SEL1L3: variants seen among roughly 807,000 people sequenced by gnomAD.
The protein encoded by SEL1L3 is protein sel-1 homolog 3.
Under a neutral mutation model 142.8 loss-of-function variants are expected in SEL1L3, and 76 were observed. The ratio of observed to expected loss-of-function variants is 0.53; its 90% CI spans 0.44 to 0.64. The LOEUF is 0.64. Among genes scored for constraint, SEL1L3 ranks in the 30% least tolerant of loss-of-function variants. The pLI is 0.00. For synonymous variants in SEL1L3, 504 were observed against 519.6 expected, an observed-to-expected ratio of 0.97 and a Z score of 0.41; for missense variants, 1,262 against 1,381.7, an observed-to-expected ratio of 0.91 and a Z score of 1.37.
chr4:25,771,439 A>C (rs1015071668), intron 17 of SEL1L3, among the ~76,000 whole-genome samples: 3 of 152,232 alleles, frequency 2.0e-5, no homozygotes, highest in African/African-American at 7.2e-5. Context: ...GATACATCTT[A>C]ATAATCAATC....
Position 25,849,864 on chromosome 4 carries a change from C to T in SEL1L3, c.163-2000G>A, listed in dbSNP as rs941996874. On this transcript the variant is annotated intron_variant, in intron 1 of 23. Transcript: ENST00000399878. ...ATAAATAATGGCAATACAGGCGAAA[C>T]GTGGTCAGTGTTCCCATCAAACTGT... Among the ~76,000 whole-genome samples, 12 of 152,220 alleles carry T rather than the reference C, an allele frequency of 7.9e-5. No homozygotes were observed. The South Asian group carries it at 1.0e-3, about 13-fold the overall frequency.
chr4:25,848,714 G>C (rs1560356495), intron 1 of SEL1L3, among the ~76,000 whole-genome samples: 1 of 152,236 alleles, frequency 6.6e-6, no homozygotes, highest in Admixed American at 6.5e-5. Context: ...TACACACAGA[G>C]AGAAAATAAC....
intron 17 of SEL1L3, among the ~76,000 whole-genome samples, chr4:25,768,270 C>T (rs1718898748): frequency 6.6e-6 from 1 of 152,138 alleles, no homozygotes; most frequent in South Asian, 2.1e-4. Flanking sequence ...TTTTGTTGTG[C>T]ATTAGAAGTT....
chr4:25,791,012 A>G (rs1459682290), intron 11 of SEL1L3, among the ~76,000 whole-genome samples: 1 of 152,238 alleles, frequency 6.6e-6, no homozygotes, highest in East Asian at 1.9e-4. Context: ...GTTTGTTCCT[A>G]TCAAAGTATT....
At chr4:25,749,413 A>C (rs564213407) in intron 23 of SEL1L3, among the ~76,000 whole-genome samples, 1 of 152,286 alleles carries the variant, frequency 6.6e-6, no homozygotes, top group East Asian at 1.9e-4. Context: ...AAGAATGCAT[A>C]ATTAGCATTG....
At chr4:25,780,917 C>T (rs534752360) in intron 15 of SEL1L3, among the ~76,000 whole-genome samples, 3 of 151,114 alleles carry the variant, frequency 2.0e-5, no homozygotes, top group Non-Finnish European at 2.9e-5. Context: ...CCTCTGCCTC[C>T]GGGGTTCCAG....
chr4:25,750,339 G>GC (rs1272202050), intron 23 of SEL1L3, among the ~76,000 whole-genome samples: 1 of 152,042 alleles, frequency 6.6e-6, no homozygotes, highest in African/African-American at 2.4e-5. Flanking sequence ...AGCCCCGAGG[G>GC]CCCAAAATAT....
intron 2 of SEL1L3, among the ~76,000 whole-genome samples, chr4:25,836,566 TGCTTGAA>T (rs1715833546): frequency 6.6e-6 from 1 of 152,102 alleles, no homozygotes; most frequent in South Asian, 2.1e-4. Context: ...GCGAGAGAAT[TGCTTGAA>T]GCTGGGAGGC....
the SEL1L3 span, among the ~76,000 whole-genome samples, chr4:25,739,165 T>C: frequency 2.0e-3 from 307 of 152,136 alleles, no homozygotes; most frequent in Non-Finnish European, 2.3e-3. Context: ...GCAGAGAATG[T>C]GCCACTGCAC....
At chr4:25,752,780 C>T (rs192630401) in intron 23 of SEL1L3, among the ~76,000 whole-genome samples, 1 of 152,278 alleles carries the variant, frequency 6.6e-6, no homozygotes, top group African/African-American at 2.4e-5. Context: ...ACCACCATGC[C>T]CCGCTAATTT....
chr4:25,715,127 T>A, the SEL1L3 span, among the ~76,000 whole-genome samples: 6 of 152,258 alleles, frequency 3.9e-5, no homozygotes, highest in Non-Finnish European at 8.8e-5. Flanking sequence ...AAAGTATACA[T>A]AAGTGGTCTT....
At chr4:25,810,786 A>C (rs927910574) in intron 9 of SEL1L3, among the ~76,000 whole-genome samples, 3 of 152,216 alleles carry the variant, frequency 2.0e-5, no homozygotes, top group African/African-American at 7.2e-5. Flanking sequence ...CCAAGCAAGA[A>C]AATCAGGATG....
At chr4:25,820,323 C>T (rs1714668025) in intron 7 of SEL1L3, among the ~76,000 whole-genome samples, 1 of 152,236 alleles carries the variant, frequency 6.6e-6, no homozygotes, top group Non-Finnish European at 1.5e-5. Flanking sequence ...GAGCCCTCCT[C>T]CCCTCTTCTG....
chr4:25,738,243 G>A, the SEL1L3 span, among the ~76,000 whole-genome samples: 10 of 152,142 alleles, frequency 6.6e-5, no homozygotes, highest in Middle Eastern at 3.4e-3. Flanking sequence ...CCAGAGATGC[G>A]GAACCCATGG....
At chr4:25,758,369 G>A (rs1457134884) in intron 21 of SEL1L3, among the ~76,000 whole-genome samples, 4 of 152,152 alleles carry the variant, frequency 2.6e-5, no homozygotes, top group African/African-American at 9.7e-5. Flanking sequence ...TACTTAGGAG[G>A]CTGAGGCATG....
chr4:25,807,284 A>G (rs1408794792), intron 9 of SEL1L3, among the ~76,000 whole-genome samples: 1 of 152,088 alleles, frequency 6.6e-6, no homozygotes, highest in Non-Finnish European at 1.5e-5. Flanking sequence ...ATCCTCGAAC[A>G]TTTCCACTTC....
chr4:25,769,569 C>A (rs1577576433), intron 17 of SEL1L3, among the ~76,000 whole-genome samples: 2 of 152,290 alleles, frequency 1.3e-5, no homozygotes, highest in Admixed American at 6.5e-5. Flanking sequence ...TCAGAGCAGA[C>A]CCAAGGCCCC....
At position 25,767,616 on chromosome 4, in the gene SEL1L3, G is replaced by A. The variant is rs775949366; in HGVS notation, c.2761-7C>T. The A allele has an allele frequency of 1.3e-6, 2 of 1,579,350 alleles. No homozygotes were observed. The highest frequency in any genetic ancestry group is 1.7e-6 in the Non-Finnish European group (2 of 1,155,072). On this transcript the variant is annotated splice_region_variant and splice_polypyrimidine_tract_variant and intron_variant, in intron 18 of 23. Coordinates refer to ENST00000399878, the MANE Select transcript of SEL1L3 (RefSeq NM_015187.5). ...AGTATCTCCTGGCCAGGTCCTAAGG[G>A]GTAAAGGGAAGAAAAAGTTAATTCA... is the stretch of plus-strand genomic sequence containing the variant.
chr4:25,757,790 C>A lies in SEL1L3; in HGVS notation c.3084G>T (p.Arg1028Ser). The change falls in exon 22 of 24, where the codon AGG (arginine) becomes AGT (serine). Residue 1028 changes from arginine (R) to serine (S), a missense_variant and splice_region_variant. This residue lies in a region of SEL1L3 where 138 missense variants were observed against 129.7 expected (regional missense o/e 1.06). Coordinates refer to ENST00000399878, the MANE Select transcript of SEL1L3 (RefSeq NM_015187.5). The part of the protein sequence containing the change: ...NISILQELYE[R>S]CWSHSNEESF... Reference sequence around the variant, plus strand: ...ACTCCTCGTTACTGTGGCTCCAGCACCTGCAGACAAAGCCCAGGGCATCTT... The same window carrying A: ...ACTCCTCGTTACTGTGGCTCCAGCAACTGCAGACAAAGCCCAGGGCATCTT... The A allele has an allele frequency of 6.4e-7, 1 of 1,571,400 alleles. No homozygotes were observed. Among genetic ancestry groups the A allele is most frequent in the Non-Finnish European group, 8.6e-7 (1 of 1,158,874 alleles).
Sources: gnomAD v4.1 joint callset for allele counts (sites outside exome capture counted in the v4.1 genomes callset) on GRCh38, gnomAD v4.1.1 for gene constraint, gnomAD v4.1.1 regional missense constraint, MANE v1.5 for transcripts, NCBI Gene and HGNC (gene_info 2026-07-23, HGNC 2026-07-21) for gene names.